Variants in FER1L6 observed in about 807,000 individuals in gnomAD.
FER1L6 encodes the protein fer-1 like family member 6.
In FER1L6, 177 loss-of-function variants were observed where a neutral mutation model predicts 219.2. That is an observed-to-expected ratio of 0.81 (90% CI 0.71 to 0.91). FER1L6 has a LOEUF of 0.91. Among genes scored for constraint, FER1L6 ranks in the 40% least tolerant of loss-of-function variants. FER1L6 has a pLI of 0.00. For missense variants in FER1L6, 2,153 were observed against 2,259.9 expected, an observed-to-expected ratio of 0.95 and a Z score of 0.96; for synonymous variants, 768 against 824.3, an observed-to-expected ratio of 0.93 and a Z score of 1.17.
chr8:123,915,679 T>C (rs1343131864), intron 1 of FER1L6, among the ~76,000 whole-genome samples: 1 of 152,110 alleles, frequency 6.6e-6, no homozygotes, highest in Non-Finnish European at 1.5e-5. Flanking sequence ...CAATCAAAAT[T>C]TGAGTGTTGC....
At chr8:123,888,072 T>C (rs1817237964) in intron 1 of FER1L6, among the ~76,000 whole-genome samples, 1 of 152,072 alleles carries the variant, frequency 6.6e-6, no homozygotes, top group South Asian at 2.1e-4. Flanking sequence ...TGTGTGTATG[T>C]TTGATACAGT....
chr8:123,882,041 T>C (rs1357223685), intron 1 of FER1L6, among the ~76,000 whole-genome samples: 1 of 152,196 alleles, frequency 6.6e-6, no homozygotes, highest in Admixed American at 6.5e-5. Context: ...CTTCTTTTAA[T>C]TTAAGGCTTA....
chr8:123,977,395 G>A, intron 9 of FER1L6, 22 bp from the exon 10 acceptor site: 1 of 1,605,540 alleles, frequency 6.2e-7, no homozygotes, highest in Non-Finnish European at 8.5e-7. Flanking sequence ...CATGACTCAT[G>A]TCCTCCTGGC....
At chr8:124,067,926 A>G (rs566960980) in intron 28 of FER1L6, 120 bp downstream of exon 28, 1 of 771,530 alleles carries the variant, frequency 1.3e-6, no homozygotes, top group East Asian at 2.7e-5. Context: ...CGAGTTTAGA[A>G]ACAATCTCAG....
chr8:124,082,619 ACT>A (rs1288652340), intron 33 of FER1L6, among the ~76,000 whole-genome samples, 161 bp downstream of exon 33: 6 of 151,980 alleles, frequency 3.9e-5, no homozygotes, highest in Non-Finnish European at 7.4e-5. Flanking sequence ...GCTTGGGGAA[ACT>A]CTGTTCAGTG....
At chr8:124,086,179 T>C (rs768952935) in intron 33 of FER1L6, among the ~76,000 whole-genome samples, 6 of 152,024 alleles carry the variant, frequency 3.9e-5, no homozygotes, top group Admixed American at 1.3e-4. Context: ...TGTCTTTTGA[T>C]TGGAGAGGTT....
At chr8:124,031,589 C>T (rs1818967926) in intron 18 of FER1L6, among the ~76,000 whole-genome samples, 1 of 152,130 alleles carries the variant, frequency 6.6e-6, no homozygotes, top group Admixed American at 6.5e-5. Context: ...AAGTTAGAGT[C>T]ATATTTTTAG....
At chr8:124,034,835 C>T (rs192705139) in intron 18 of FER1L6, among the ~76,000 whole-genome samples, 1 of 152,326 alleles carries the variant, frequency 6.6e-6, no homozygotes, top group Admixed American at 6.5e-5. Flanking sequence ...GAGTGACAGT[C>T]AGGCTATGGG....
intron 31 of FER1L6, among the ~76,000 whole-genome samples, chr8:124,075,369 G>A (rs1392373341): frequency 6.6e-6 from 1 of 152,096 alleles, no homozygotes; most frequent in Non-Finnish European, 1.5e-5. Flanking sequence ...CCTACACAGG[G>A]TCAGGATCAT....
At chr8:123,994,978 G>T (rs1817060230) in intron 12 of FER1L6, among the ~76,000 whole-genome samples, 1 of 152,210 alleles carries the variant, frequency 6.6e-6, no homozygotes, top group Non-Finnish European at 1.5e-5. Flanking sequence ...GGCCTGGATT[G>T]TGAGATTCTC....
intron 1 of FER1L6, among the ~76,000 whole-genome samples, chr8:123,953,826 A>C (rs1563704671): frequency 6.6e-6 from 1 of 152,192 alleles, no homozygotes. Flanking sequence ...GGGGACCATA[A>C]ATGCTGATTC....
intron 1 of FER1L6, among the ~76,000 whole-genome samples, chr8:123,891,541 C>T (rs1823218126): frequency 6.6e-6 from 1 of 152,096 alleles, no homozygotes; most frequent in African/African-American, 2.4e-5. Flanking sequence ...TAGATACATG[C>T]AATGAGTAAC....
intron 39 of FER1L6, among the ~76,000 whole-genome samples, chr8:124,106,691 C>A (rs1822790192): frequency 6.6e-6 from 1 of 152,140 alleles, no homozygotes; most frequent in Non-Finnish European, 1.5e-5. Context: ...TGGGTATCCT[C>A]AGCCTGGGTG....
Position 124,069,356 on chromosome 8 carries a change from A to T in FER1L6, c.3719-4A>T. On this transcript the variant is annotated splice_polypyrimidine_tract_variant and splice_region_variant and intron_variant, in intron 28 of 40. Transcript: ENST00000522917. ...GAAACCTAATTTCTGCTGAATATCC[A>T]CAGAGGCAAAGCCAGATGAGGTAGT... 1.2e-6 allele frequency: 2 copies of T among 1,606,624 alleles called. No individual in the cohort carries two copies.
intron 11 of FER1L6, among the ~76,000 whole-genome samples, chr8:123,982,087 G>A (rs1816350014): frequency 6.6e-6 from 1 of 152,140 alleles, no homozygotes; most frequent in African/African-American, 2.4e-5. Flanking sequence ...GTGTGCGCCA[G>A]TTTCTTGTGG....
intron 22 of FER1L6, among the ~76,000 whole-genome samples, chr8:124,056,223 C>T (rs1451494696): frequency 1.3e-5 from 2 of 152,228 alleles, no homozygotes; most frequent in Middle Eastern, 6.3e-3. Flanking sequence ...GCCCAACACA[C>T]TTCCCAATTC....
At chr8:123,959,075 G>T (rs370293631) in intron 2 of FER1L6, among the ~76,000 whole-genome samples, 1 of 152,272 alleles carries the variant, frequency 6.6e-6, no homozygotes, top group East Asian at 1.9e-4. Flanking sequence ...GGCGTTTTAA[G>T]AAAAGTGACA....
chr8:124,103,322 T>G lies in FER1L6; in HGVS notation c.5289+13T>G. On this transcript the variant is annotated intron_variant, in intron 39 of 40. Coordinates refer to ENST00000522917, the MANE Select transcript of FER1L6 (RefSeq NM_001039112.2). ...CAAAGAACTCACAGTAAGTGACAGC[T>G]ATGGGAGGTGGAGGAGATGGGGGAA... The G allele has an allele frequency of 6.2e-7, 1 of 1,609,800 alleles. No individual in the cohort carries two copies. Among genetic ancestry groups the G allele is most frequent in the Non-Finnish European group, 8.5e-7 (1 of 1,177,328 alleles).
At chr8:124,094,810 G>GTT in intron 34 of FER1L6, 86 bp from the exon 35 acceptor site, 1 of 1,426,350 alleles carries the variant, frequency 7.0e-7, no homozygotes, top group South Asian at 1.1e-5. Flanking sequence ...AAATAAGCCT[G>GTT]TAAGTGTTTA....
Sources: gnomAD v4.1 joint callset for allele counts (sites outside exome capture counted in the v4.1 genomes callset) on GRCh38, gnomAD v4.1.1 for gene constraint, MANE v1.5 for transcripts, NCBI Gene and HGNC (gene_info 2026-07-23, HGNC 2026-07-21) for gene names.